Variants in ZFR observed in about 807,000 individuals in gnomAD.
ZFR encodes zinc finger RNA-binding protein.
In ZFR, 19 loss-of-function variants were observed where a neutral mutation model predicts 130.7. The ratio of observed to expected loss-of-function variants is 0.15; its 90% confidence interval spans 0.10 to 0.21. The LOEUF (loss-of-function observed/expected upper bound fraction) is 0.21, where lower values mean the gene tolerates loss of function less well. Among genes scored for constraint, ZFR ranks in the 10% least tolerant of loss-of-function variants. The pLI, the probability that ZFR is intolerant of heterozygous loss-of-function variation, is 1.00. For missense variants in ZFR, 872 were observed against 1,321.5 expected (o/e 0.66, Z 5.27); for synonymous variants, 466 against 456.9 (o/e 1.02, Z -0.25).
At chr5:32,376,865 G>A (rs1752824308) in intron 17 of ZFR, among the ~76,000 whole-genome samples, 1 of 151,596 alleles carries the variant, frequency 6.6e-6, no homozygotes, top group African/African-American at 2.4e-5. Flanking sequence ...TGTAATCCCA[G>A]CTACTTGGAA....
intron 2 of ZFR, among the ~76,000 whole-genome samples, chr5:32,431,087 CA>C (rs1453554873): frequency 1.3e-5 from 2 of 152,090 alleles, no homozygotes; most frequent in African/African-American, 2.4e-5. Flanking sequence ...AAAACGAAAG[CA>C]AGAGGAAAAC....
chr5:32,365,049 T>C (rs1325657765), intron 17 of ZFR: 1 of 152,244 alleles, frequency 6.6e-6, no homozygotes, highest in African/African-American at 2.4e-5. Context: ...TTCCAGTTTC[T>C]ACAGATTTGC....
intron 5 of ZFR, among the ~76,000 whole-genome samples, chr5:32,414,572 A>G (rs114866222): frequency 1.8e-3 from 281 of 152,370 alleles, no homozygotes; most frequent in African/African-American, 6.6e-3. Context: ...GATAATAAAT[A>G]GCTCTTCGAG....
intron 3 of ZFR, 137 bp downstream of exon 3, chr5:32,419,684 C>T (rs1753909441): frequency 1.4e-6 from 2 of 1,431,796 alleles, no homozygotes; most frequent in South Asian, 1.7e-5. Flanking sequence ...CCAAGGAATA[C>T]TCATTTACTT....
chr5:32,429,556 TAGTTTAATTC>T (rs1436385254), intron 2 of ZFR, among the ~76,000 whole-genome samples: 1 of 152,180 alleles, frequency 6.6e-6, no homozygotes, highest in African/African-American at 2.4e-5. Context: ...ACCAAGAAGT[TAGTTTAATTC>T]AGACTGACTA....
intron 17 of ZFR, among the ~76,000 whole-genome samples, chr5:32,366,486 G>C (rs1461810751): frequency 6.6e-6 from 1 of 152,060 alleles, no homozygotes; most frequent in Non-Finnish European, 1.5e-5. Context: ...AGTCAAGAAA[G>C]AAATCAATTA....
rs1182421821 is a variant in ZFR at position 32,420,007 on chromosome 5, A to G, written c.234T>C (p.Ala78=). 1.2e-6 allele frequency: 2 copies of G among 1,613,850 alleles called. No homozygotes were observed. The highest frequency in any genetic ancestry group is 1.7e-6 in the Non-Finnish European group (2 of 1,180,028). ...CTGTGGCGGCTGCTGGTGCATAGGC[A>G]GCAGTAACTGTGTGAGCAGCTACTG... ...QAPVAAHTVT[A]AYAPAAATVA... The change falls in exon 3 of 20, where the codon GCT becomes GCC. Residue 78 remains alanine (A), a synonymous_variant. Transcript: ENST00000265069.
intron 10 of ZFR, among the ~76,000 whole-genome samples, chr5:32,395,619 T>C (rs1305220922): frequency 2.0e-5 from 3 of 152,174 alleles, no homozygotes; most frequent in Non-Finnish European, 4.4e-5. Flanking sequence ...TGAATACACT[T>C]ACATCTATGC....
rs560977045 is a variant in ZFR at position 32,362,706 on chromosome 5, C to T, written c.3045+1242G>A. ...TGTTTTCCTCCTCATCCAAGTATTA[C>T]GTCATGAGTGCTACATAAATGCATT... On this transcript the variant is annotated intron_variant, in intron 19 of 19. Coordinates refer to ENST00000265069, the MANE Select transcript of ZFR (RefSeq NM_016107.5). 5.9e-5 allele frequency among the ~76,000 whole-genome samples: 9 copies of T among 152,294 alleles called. No individual in the cohort carries two copies. The South Asian group carries it at 6.2e-4, about 11-fold the overall frequency.
intron 2 of ZFR, 145 bp downstream of exon 2, chr5:32,444,080 CGGGA>C: frequency 4.3e-6 from 2 of 464,952 alleles, no homozygotes; most frequent in African/African-American, 2.9e-5. Flanking sequence ...CGGGGCGGGG[CGGGA>C]GAGGCCGCCG....
At chr5:32,430,787 ACT>A (rs907619895) in intron 2 of ZFR, among the ~76,000 whole-genome samples, 3 of 151,910 alleles carry the variant, frequency 2.0e-5, no homozygotes, top group Non-Finnish European at 2.9e-5. Context: ...AACCCAAAAA[ACT>A]CTCAGGCTGA....
chr5:32,422,703 G>A (rs370346543), intron 2 of ZFR, among the ~76,000 whole-genome samples: 5 of 150,702 alleles, frequency 3.3e-5, no homozygotes, highest in African/African-American at 1.2e-4. Context: ...AGGAGGCTGA[G>A]GTGGGAGGAT....
Position 32,387,530 on chromosome 5 carries a change from A to G in ZFR, c.2499+19T>C. On this transcript the variant is annotated intron_variant, in intron 14 of 19. Transcript: ENST00000265069. ...TGAACCAGACAAGGGGTAAAAATGA[A>G]CATTTCCATAATACTTACAGCAAGC... 6.2e-7 allele frequency: 1 copy of G among 1,608,554 alleles called. No individual in the cohort carries two copies. Among genetic ancestry groups the G allele is most frequent in the Non-Finnish European group, 8.5e-7 (1 of 1,177,732 alleles).
chr5:32,438,253 A>ATTTTTTT (rs869249272), intron 2 of ZFR, among the ~76,000 whole-genome samples: 806 of 60,948 alleles, frequency 0.013, 116 homozygotes, highest in East Asian at 0.049. Context: ...TTATCTGAAA[A>ATTTTTTT]TTTTTTTTTT....
intron 17 of ZFR, among the ~76,000 whole-genome samples, chr5:32,367,013 T>G: frequency 6.6e-6 from 1 of 151,922 alleles, no homozygotes; most frequent in African/African-American, 2.4e-5. Flanking sequence ...ATACCTCAGT[T>G]TCCCCAGTAG....
Position 32,409,866 on chromosome 5 carries a change from T to A in ZFR, c.785-2845A>T, listed in dbSNP as rs930017336. 8.6e-4 allele frequency among the ~76,000 whole-genome samples: 131 copies of A among 152,200 alleles called. 3 individuals carry two copies. Among genetic ancestry groups the A allele is most frequent in the Non-Finnish European group, 3.1e-4 (21 of 68,012 alleles). Reference sequence around the variant, plus strand: ...CCGCTCAAACCAGCTTAGCCAAGCGTGGTGGTGTGCCTGTAGTCCCAGCTA... The same window carrying A: ...CCGCTCAAACCAGCTTAGCCAAGCGAGGTGGTGTGCCTGTAGTCCCAGCTA... On this transcript the variant is annotated intron_variant, in intron 5 of 19. Coordinates refer to ENST00000265069, the MANE Select transcript of ZFR (RefSeq NM_016107.5).
At chr5:32,393,253 T>G (rs1470531891) in intron 11 of ZFR, among the ~76,000 whole-genome samples, 3 of 152,198 alleles carry the variant, frequency 2.0e-5, no homozygotes, top group Non-Finnish European at 4.4e-5. Context: ...TCGTGTAATA[T>G]TTTAACAAAT....
intron 2 of ZFR, among the ~76,000 whole-genome samples, chr5:32,432,614 G>A (rs563766179): frequency 2.1e-3 from 321 of 151,408 alleles, no homozygotes; most frequent in African/African-American, 5.8e-3. Flanking sequence ...ACAGGTGTGA[G>A]CCACAGCACC....
chr5:32,430,425 A>G (rs369037429), intron 2 of ZFR, among the ~76,000 whole-genome samples: 2 of 149,972 alleles, frequency 1.3e-5, no homozygotes, highest in African/African-American at 5.0e-5. Context: ...ACAGAGAGAG[A>G]GGAAGAGATG....
Sources: gnomAD v4.1 joint callset for allele counts (sites outside exome capture counted in the v4.1 genomes callset) on GRCh38, gnomAD v4.1.1 for gene constraint, MANE v1.5 for transcripts, NCBI Gene and HGNC (gene_info 2026-07-23, HGNC 2026-07-21) for gene names.